The following SCEL variants were observed in gnomAD, a reference collection of about 807,000 sequenced individuals.
SCEL encodes the protein sciellin.
In SCEL, 113 loss-of-function variants were observed where a neutral mutation model predicts 117.6. That is an observed-to-expected ratio of 0.96 (90% CI 0.83 to 1.12). The LOEUF is 1.12. Ranked by LOEUF, SCEL falls within the 50% of genes most tolerant of loss-of-function variation. The probability of loss-of-function intolerance (pLI) is 0.00; values close to 1 mark genes in which losing one functional copy is unlikely to be tolerated. For missense variants in SCEL, 785 were observed against 810.8 expected, an observed-to-expected ratio of 0.97 and a Z score of 0.39; for synonymous variants, 270 against 256.2, an observed-to-expected ratio of 1.05 and a Z score of -0.51.
At position 77,644,288 on chromosome 13, in the gene SCEL, A is replaced by T. The variant is rs1231386601; in HGVS notation, c.*14A>T. 1.9e-6 allele frequency: 3 copies of T among 1,612,928 alleles called. No homozygotes were observed. The Admixed American group carries it at 5.0e-5, about 27-fold the overall frequency. ...TGGATTCCATAACTCTGGCACAAGG[A>T]AATCAAGATGAAAAGCACTCATTAA... On this transcript the variant is annotated 3_prime_UTR_variant, in exon 33 of 33. Transcript: ENST00000349847.
intron 11 of SCEL, among the ~76,000 whole-genome samples, chr13:77,592,562 C>CTTT (rs10693960): frequency 8.3e-5 from 11 of 133,316 alleles, no homozygotes; most frequent in African/African-American, 1.1e-4. Flanking sequence ...CTTCTTCTTC[C>CTTT]TTTTTTTTTT....
At chr13:77,629,846 C>T (rs2089948353) in intron 28 of SCEL, among the ~76,000 whole-genome samples, 2 of 152,164 alleles carry the variant, frequency 1.3e-5, no homozygotes, top group East Asian at 3.9e-4. Context: ...GGAAAGCCAG[C>T]AAGGCCTGTG....
At chr13:77,638,991 G>A (rs1214637545) in intron 30 of SCEL, among the ~76,000 whole-genome samples, 1 of 151,950 alleles carries the variant, frequency 6.6e-6, no homozygotes, top group Non-Finnish European at 1.5e-5. Context: ...GGTTCTCTTG[G>A]CTCTGTTCTC....
At chr13:77,579,424 C>T (rs2086141584) in intron 9 of SCEL, among the ~76,000 whole-genome samples, 2 of 152,130 alleles carry the variant, frequency 1.3e-5, no homozygotes, top group South Asian at 4.2e-4. Context: ...TTTCCCTCAA[C>T]CTGTTATCTT....
At position 77,610,134 on chromosome 13, in the gene SCEL, C is replaced by T. The variant is rs117243936; in HGVS notation, c.1337+28C>T. On this transcript the variant is annotated intron_variant, in intron 22 of 32. Coordinates refer to ENST00000349847, the MANE Select transcript of SCEL (RefSeq NM_144777.3). Reference sequence around the variant, plus strand: ...AAGGTTTATGGAACTCTCTATTTCTCCCCCCTTTTTTTTTCCTAATGAGCT... The same window carrying T: ...AAGGTTTATGGAACTCTCTATTTCTTCCCCCTTTTTTTTTCCTAATGAGCT... 10,870 of 1,525,008 alleles carry T rather than the reference C, an allele frequency of 7.1e-3. 42 individuals carry two copies. The highest frequency in any genetic ancestry group is 0.012 in the Admixed American group (681 of 54,968). The allele number at this position is 1,525,008 out of a possible 1,614,324, so 94.5% of individuals were successfully genotyped here.
intron 9 of SCEL, among the ~76,000 whole-genome samples, chr13:77,583,977 C>T (rs567119110): frequency 3.7e-4 from 57 of 152,338 alleles, no homozygotes; most frequent in Admixed American, 7.2e-4. Context: ...ACATGTTTCT[C>T]GTGAAATCCA....
chr13:77,536,747 C>T (rs1221959408), intron 1 of SCEL, among the ~76,000 whole-genome samples: 1 of 152,148 alleles, frequency 6.6e-6, no homozygotes, highest in Admixed American at 6.5e-5. Flanking sequence ...AGCTCTGTGT[C>T]CTCCAGAGAG....
At chr13:77,590,261 A>G (rs538410213) in intron 10 of SCEL, among the ~76,000 whole-genome samples, 4 of 152,274 alleles carry the variant, frequency 2.6e-5, no homozygotes, top group Non-Finnish European at 5.9e-5. Context: ...ATTTCTGTTC[A>G]GTGAAACTGC....
At chr13:77,636,036 G>A (rs2090261035) in intron 29 of SCEL, among the ~76,000 whole-genome samples, 1 of 152,204 alleles carries the variant, frequency 6.6e-6, no homozygotes, top group Non-Finnish European at 1.5e-5. Flanking sequence ...CTAATAGTCT[G>A]TTGACCGGAA....
rs1222055147 is a variant in SCEL, at chr13:77,569,516, C to G, written c.479+65C>G. ...TATGAAAGACTGCATTAGAAAGCTT[C>G]CTCCTCTTTTTTGTGGGGATCCAGC... On this transcript the variant is annotated intron_variant, in intron 8 of 32. Transcript: ENST00000349847. The G allele has an allele frequency of 1.3e-5, 17 of 1,276,320 alleles. No individual in the cohort carries two copies. In the Admixed American group the frequency reaches 3.2e-4, roughly 24 times the overall value. 79.1% of individuals were successfully genotyped at this position (1,276,320 alleles called of 1,614,324 possible).
Position 77,627,960 on chromosome 13 carries a change from G to T in SCEL, c.1642G>T (p.Glu548Ter). 6.8e-7 allele frequency: 1 copy of T among 1,472,608 alleles called. No homozygotes were observed. Among genetic ancestry groups the T allele is most frequent in the Non-Finnish European group, 9.3e-7 (1 of 1,076,322 alleles). 91.2% of individuals were successfully genotyped at this position (1,472,608 alleles called of 1,614,324 possible). A position where few individuals can be genotyped will look rare whatever the true frequency, so the allele number is the denominator to read the frequency against. Residue 548 changes from glutamate to a stop codon, truncating the protein, a stop_gained, in exon 28 of 33, where the codon GAA (glutamate) becomes TAA (stop). Transcript: ENST00000349847. LOFTEE classifies it high-confidence loss of function. Reference sequence around the variant, plus strand: ...TTTTTTCCTTAGAGACCAGAACCTGGAAAATTTAATTGAAGTAAATTCTCA... The same window carrying T: ...TTTTTTCCTTAGAGACCAGAACCTGTAAAATTTAATTGAAGTAAATTCTCA... ...LRNTNRDQNL[E>*]NLIEVNSHVS... is the part of the protein sequence containing the mutation.
chr13:77,607,137 C>A (rs963132479), intron 19 of SCEL, among the ~76,000 whole-genome samples: 1 of 152,080 alleles, frequency 6.6e-6, no homozygotes, highest in African/African-American at 2.4e-5. Context: ...AGCCTGGGCT[C>A]ATGGGGATCT....
intron 1 of SCEL, among the ~76,000 whole-genome samples, chr13:77,547,650 AG>A (rs1191751967): frequency 6.6e-6 from 1 of 152,220 alleles, no homozygotes; most frequent in Non-Finnish European, 1.5e-5. Flanking sequence ...AGAGCTCTGT[AG>A]AGGAAAACAG....
At chr13:77,540,984 G>A (rs990620061) in intron 1 of SCEL, among the ~76,000 whole-genome samples, 2 of 152,176 alleles carry the variant, frequency 1.3e-5, no homozygotes, top group African/African-American at 4.8e-5. Flanking sequence ...TGAATTATAG[G>A]ACTTGACGAT....
At chr13:77,583,282 A>G (rs1371213991) in intron 9 of SCEL, among the ~76,000 whole-genome samples, 5 of 152,162 alleles carry the variant, frequency 3.3e-5, no homozygotes, top group African/African-American at 1.2e-4. Context: ...AGAGTCAAAG[A>G]GAAAGTTGGT....
At chr13:77,637,067 T>C in intron 29 of SCEL, 53 bp from the exon 30 acceptor site, 1 of 882,462 alleles carries the variant, frequency 1.1e-6, no homozygotes, top group East Asian at 2.9e-5. Context: ...TGTTTTCTTA[T>C]CTACATAAGG....
chr13:77,559,298 G>A (rs58261911), intron 3 of SCEL, among the ~76,000 whole-genome samples: 17,513 of 152,264 alleles, frequency 0.12, 1,112 homozygotes, highest in Non-Finnish European at 0.15. Flanking sequence ...TAGGTCTCCT[G>A]TGAATTATAA....
chr13:77,592,204 C>T (rs2086912919), intron 11 of SCEL, among the ~76,000 whole-genome samples: 1 of 151,976 alleles, frequency 6.6e-6, no homozygotes, highest in Non-Finnish European at 1.5e-5. Context: ...AGAAGAGTGC[C>T]ATTCTAAAAG....
rs1169446529 is a variant in SCEL at position 77,616,002 on chromosome 13, CTCTGTGTG to C, written c.1452-1595_1452-1588del. ...ATATTATTTCATAAAATTTATGTCT[CTCTGTGTG>C]TGTGTGTGTGTGTGTGTGTGTGTGT... On this transcript the variant is annotated intron_variant, in intron 24 of 32. Transcript: ENST00000349847. Among the ~76,000 whole-genome samples, 1,385 of 141,900 alleles carry C rather than the reference CTCTGTGTG, an allele frequency of 9.8e-3. 26 individuals are homozygous for C. The highest frequency in any genetic ancestry group is 0.032 in the African/African-American group (1,248 of 38,836). The allele number at this position is 141,900 out of a possible 152,430, so 93.1% of individuals were successfully genotyped here.
Sources: gnomAD v4.1 joint callset for allele counts (sites outside exome capture counted in the v4.1 genomes callset) on GRCh38, gnomAD v4.1.1 for gene constraint, MANE v1.5 for transcripts, NCBI Gene and HGNC (gene_info 2026-07-23, HGNC 2026-07-21) for gene names.